Variants in SUPT3H observed in about 807,000 individuals in gnomAD.
SUPT3H encodes the protein SPT3 homolog, SAGA and STAGA complex component.
SUPT3H carries 44 observed loss-of-function variants against 44.3 expected under a neutral mutation model. That is an observed-to-expected ratio of 0.99 (90% confidence interval 0.78 to 1.28). The LOEUF (loss-of-function observed/expected upper bound fraction) is 1.28. SUPT3H is among the 50% of genes most tolerant of loss of function. SUPT3H has a pLI of 0.00. For synonymous variants in SUPT3H, 124 were observed against 125.6 expected, an observed-to-expected ratio of 0.99 and a Z score of 0.09; for missense variants, 380 against 387.1, an observed-to-expected ratio of 0.98 and a Z score of 0.15.
At chr6:45,137,477 T>G (rs1804488085) in intron 2 of SUPT3H, among the ~76,000 whole-genome samples, 1 of 152,024 alleles carries the variant, frequency 6.6e-6, no homozygotes, top group Non-Finnish European at 1.5e-5. Context: ...ACCATATGTC[T>G]ATGTATACCA....
At chr6:45,257,594 T>G (rs9395086) in intron 2 of SUPT3H, among the ~76,000 whole-genome samples, 2 of 151,986 alleles carry the variant, frequency 1.3e-5, no homozygotes, top group Non-Finnish European at 2.9e-5. Context: ...TACCACAGAC[T>G]GGGTAATTTA....
At chr6:44,902,983 G>A (rs893107521) in intron 10 of SUPT3H, among the ~76,000 whole-genome samples, 13 of 152,160 alleles carry the variant, frequency 8.5e-5, no homozygotes, top group East Asian at 3.9e-4. Flanking sequence ...TGAAACCAAC[G>A]AGAACAAAGA....
intron 2 of SUPT3H, among the ~76,000 whole-genome samples, chr6:45,278,226 G>A (rs1046809067): frequency 6.6e-6 from 1 of 151,976 alleles, no homozygotes; most frequent in African/African-American, 2.4e-5. Context: ...AAACCACCAT[G>A]GCACATGTAT....
chr6:45,375,041 T>C (rs1325219436), intron 1 of SUPT3H, among the ~76,000 whole-genome samples: 1 of 152,094 alleles, frequency 6.6e-6, no homozygotes, highest in Non-Finnish European at 1.5e-5. Flanking sequence ...ACTCTGTCTC[T>C]ACAAAAAATA....
chr6:45,177,625 A>C (rs1249037876), intron 2 of SUPT3H, among the ~76,000 whole-genome samples: 3 of 151,694 alleles, frequency 2.0e-5, no homozygotes, highest in Admixed American at 6.6e-5. Context: ...TGTCAGATTC[A>C]CCAAAGTTGA....
intron 5 of SUPT3H, among the ~76,000 whole-genome samples, chr6:45,006,083 T>C (rs977938574): frequency 6.6e-6 from 1 of 152,128 alleles, no homozygotes; most frequent in Non-Finnish European, 1.5e-5. Flanking sequence ...AAAATATTCC[T>C]CTTTGTTCTG....
rs143573618 is a variant in SUPT3H, at chr6:44,963,816, G to C, written c.505-1988C>G. On this transcript the variant is annotated intron_variant, in intron 6 of 10. Transcript: ENST00000371459. ...AGATTGAGACCATCCTGGCTAACAC[G>C]GTGAAACCCCATCTCTACTAAAAAT... is the stretch of plus-strand genomic sequence containing the variant. Among the ~76,000 whole-genome samples the C allele has an allele frequency of 2.0e-5, 3 of 151,862 alleles. No individual in the cohort carries two copies. In the South Asian group the frequency reaches 6.2e-4, roughly 32 times the overall value.
chr6:45,129,951 A>T (rs552201752), intron 2 of SUPT3H, among the ~76,000 whole-genome samples: 6 of 152,296 alleles, frequency 3.9e-5, no homozygotes, highest in South Asian at 4.1e-4. Context: ...GATTGGTAAA[A>T]GCCACTTGCG....
chr6:45,056,575 T>C (rs1347769010), intron 3 of SUPT3H, among the ~76,000 whole-genome samples: 2 of 152,176 alleles, frequency 1.3e-5, no homozygotes, highest in African/African-American at 4.8e-5. Context: ...CTGGAGACCA[T>C]TATTCTATGT....
chr6:44,869,298 C>T (rs1267043520), intron 10 of SUPT3H, among the ~76,000 whole-genome samples: 1 of 152,098 alleles, frequency 6.6e-6, no homozygotes, highest in Non-Finnish European at 1.5e-5. Context: ...TCTTTACCAA[C>T]TGTCTTCTAC....
At chr6:45,174,057 T>C (rs987530990) in intron 2 of SUPT3H, among the ~76,000 whole-genome samples, 2 of 152,224 alleles carry the variant, frequency 1.3e-5, no homozygotes, top group Admixed American at 6.5e-5. Flanking sequence ...CAGGGATAAA[T>C]AGAATCCACC....
chr6:45,000,730 C>A (rs924460351), intron 6 of SUPT3H, among the ~76,000 whole-genome samples: 1 of 151,976 alleles, frequency 6.6e-6, no homozygotes, highest in Non-Finnish European at 1.5e-5. Context: ...TCTCTAGATT[C>A]CACTATTAAG....
At chr6:45,368,436 CA>C (rs887192555) in intron 1 of SUPT3H, among the ~76,000 whole-genome samples, 6 of 150,940 alleles carry the variant, frequency 4.0e-5, no homozygotes, top group East Asian at 1.9e-4. Context: ...ATATTGCTAT[CA>C]AAAAAAAAGT....
chr6:45,155,103 G>A (rs1807604180), intron 2 of SUPT3H, among the ~76,000 whole-genome samples: 1 of 152,158 alleles, frequency 6.6e-6, no homozygotes, highest in Non-Finnish European at 1.5e-5. Flanking sequence ...ATTAGAATGT[G>A]TGATTAAGAT....
chr6:45,136,182 G>A (rs1212538944), intron 2 of SUPT3H, among the ~76,000 whole-genome samples: 1 of 152,132 alleles, frequency 6.6e-6, no homozygotes, highest in African/African-American at 2.4e-5. Flanking sequence ...TCTCTGAACT[G>A]ACTAAACACA....
At chr6:44,953,248 G>A in intron 9 of SUPT3H, 62 bp downstream of exon 9, 1 of 1,262,466 alleles carries the variant, frequency 7.9e-7, no homozygotes, top group Non-Finnish European at 1.2e-6. Context: ...AATCACTAAT[G>A]TAAATACCAG....
At chr6:45,000,544 A>G (rs1781880727) in intron 6 of SUPT3H, among the ~76,000 whole-genome samples, 1 of 152,234 alleles carries the variant, frequency 6.6e-6, no homozygotes, top group African/African-American at 2.4e-5. Flanking sequence ...ACTGAATGAT[A>G]TATCTGATTT....
intron 2 of SUPT3H, among the ~76,000 whole-genome samples, chr6:45,319,501 A>G (rs1286592228): frequency 2.0e-5 from 3 of 152,182 alleles, no homozygotes; most frequent in African/African-American, 4.8e-5. Context: ...CCATTTATAT[A>G]AAACCTTAAG....
chr6:45,132,207 GAA>G (rs1803576506), intron 2 of SUPT3H, among the ~76,000 whole-genome samples: 1 of 152,130 alleles, frequency 6.6e-6, no homozygotes, highest in African/African-American at 2.4e-5. Context: ...GGCAATTCCA[GAA>G]TTCCTATAAA....
Sources: allele counts gnomAD v4.1 joint callset (sites outside exome capture counted in the v4.1 genomes callset), GRCh38; gene constraint gnomAD v4.1.1; transcripts MANE v1.5; gene names NCBI Gene and HGNC (gene_info 2026-07-23, HGNC 2026-07-21).